The following CHFR variants were observed in gnomAD, a reference collection of about 807,000 sequenced individuals.
The protein encoded by CHFR is checkpoint with forkhead and ring finger domains.
A neutral mutation model predicts 87.6 loss-of-function variants in CHFR; 57 were observed. That is an observed-to-expected ratio of 0.65 (90% CI 0.53 to 0.81). The LOEUF is 0.81. Ranked by LOEUF, CHFR falls within the 30% of genes least tolerant of loss-of-function variation. The probability of loss-of-function intolerance (pLI) is 0.00; values close to 1 mark genes in which losing one functional copy is unlikely to be tolerated. For missense variants in CHFR, 797 were observed against 865.8 expected, an observed-to-expected ratio of 0.92 and a Z score of 1.00; for synonymous variants, 381 against 359.2, an observed-to-expected ratio of 1.06 and a Z score of -0.69.
At chr12:132,876,182 A>G (rs55852696) in intron 3 of CHFR, among the ~76,000 whole-genome samples, 31,226 of 152,034 alleles carry the variant, frequency 0.21, 4,164 homozygotes, top group Non-Finnish European at 0.3. Flanking sequence ...TCAAAAAAAA[A>G]AAAGAAAGAA....
At chr12:132,845,368 A>C (rs1950795158) in intron 15 of CHFR, among the ~76,000 whole-genome samples, 1 of 152,048 alleles carries the variant, frequency 6.6e-6, no homozygotes, top group Non-Finnish European at 1.5e-5. Context: ...CTGAGGCAGG[A>C]CAATTGTTGA....
intron 12 of CHFR, among the ~76,000 whole-genome samples, chr12:132,850,550 C>T (rs1593457073): frequency 1.3e-5 from 2 of 152,186 alleles, no homozygotes; most frequent in South Asian, 4.1e-4. Context: ...AGGCAGCGAC[C>T]GCCCAGATCA....
At position 132,887,549 on chromosome 12, in the gene CHFR, C is replaced by A; in HGVS notation, c.-15G>T. The A allele has an allele frequency of 6.1e-6, 1 of 163,844 alleles. No homozygotes were observed. The highest frequency in any genetic ancestry group is 1.8e-4 in the South Asian group (1 of 5,648). 10.1% of individuals were successfully genotyped at this position (163,844 alleles called of 1,614,324 possible). A position where few individuals can be genotyped will look rare whatever the true frequency, so the allele number is the denominator to read the frequency against. On this transcript the variant is annotated splice_region_variant and 5_prime_UTR_variant, in exon 1 of 18. Transcript: ENST00000450056. ...GCCCCCTCGCCAGCCGCGCTTACCC[C>A]CGCCCCGCGCCGAACCCGGAACCGG...
chr12:132,863,889 T>C (rs1222212920), intron 6 of CHFR, among the ~76,000 whole-genome samples: 1 of 152,056 alleles, frequency 6.6e-6, no homozygotes, highest in East Asian at 1.9e-4. Context: ...CTCCTGAGTA[T>C]CTGGGACTAC....
chr12:132,855,590 C>T (rs1951047967), intron 10 of CHFR, among the ~76,000 whole-genome samples: 1 of 152,110 alleles, frequency 6.6e-6, no homozygotes, highest in Non-Finnish European at 1.5e-5. Flanking sequence ...TCGCTTGAAC[C>T]CAGGAGGTGG....
chr12:132,856,907 C>T (rs1319548489), intron 9 of CHFR, among the ~76,000 whole-genome samples: 1 of 138,870 alleles, frequency 7.2e-6, no homozygotes, highest in Non-Finnish European at 1.5e-5. Flanking sequence ...GGTGGAGGGA[C>T]CGCCCTCACT....
intron 12 of CHFR, chr12:132,850,020 C>T (rs1950905459): frequency 6.6e-6 from 1 of 152,090 alleles, no homozygotes; most frequent in African/African-American, 2.4e-5. Flanking sequence ...CTGGCGCCAT[C>T]TCGGCTCACT....
At chr12:132,845,549 C>T (rs1950802408) in intron 15 of CHFR, among the ~76,000 whole-genome samples, 1 of 152,032 alleles carries the variant, frequency 6.6e-6, no homozygotes, top group South Asian at 2.1e-4. Context: ...ACTTGGGAGG[C>T]TGAGGTGAGA....
intron 2 of CHFR, among the ~76,000 whole-genome samples, chr12:132,884,244 C>T (rs565513389): frequency 5.8e-4 from 88 of 152,068 alleles, no homozygotes; most frequent in East Asian, 1.4e-3. Flanking sequence ...CATGGAGAAA[C>T]CCCGTCTCTA....
chr12:132,880,409 C>T (rs1951739792), intron 2 of CHFR, among the ~76,000 whole-genome samples: 1 of 152,154 alleles, frequency 6.6e-6, no homozygotes, highest in South Asian at 2.1e-4. Flanking sequence ...GTAATCCCAG[C>T]ACTTTGGGAG....
intron 5 of CHFR, 105 bp downstream of exon 5, chr12:132,870,619 C>T (rs1951467881): frequency 1.5e-5 from 11 of 733,330 alleles, no homozygotes; most frequent in Non-Finnish European, 2.6e-5. Context: ...GAGATCGCGC[C>T]ACCGCACTCC....
chr12:132,876,231 T>C (rs1183006227), intron 3 of CHFR, among the ~76,000 whole-genome samples: 2 of 152,112 alleles, frequency 1.3e-5, no homozygotes, highest in African/African-American at 2.4e-5. Flanking sequence ...TGTAGTGTGA[T>C]TGCATTTATG....
In CHFR at chr12:132,833,897, G is replaced by A. The variant is rs887787164; in HGVS notation, c.*7657C>T. 33 of 152,456 alleles carry A rather than the reference G, an allele frequency of 2.2e-4. No individual in the cohort carries two copies. Among genetic ancestry groups the A allele is most frequent in the African/African-American group, 7.7e-4 (32 of 41,568 alleles). The allele number at this position is 152,456 out of a possible 1,614,324, so 9.4% of individuals were successfully genotyped here. A position where few individuals can be genotyped will look rare whatever the true frequency, so the allele number is the denominator to read the frequency against. On this transcript the variant is annotated 3_prime_UTR_variant, in exon 18 of 18. Coordinates refer to ENST00000450056, the MANE Select transcript of CHFR (RefSeq NM_001161346.2). ...GTGTCCCAGGAGAGGGAAAGGCAAG[G>A]AGAACGAGTACTCAAAGGCACCTTT... is the stretch of plus-strand genomic sequence containing the variant.
chr12:132,852,510 GA>G (rs1950970384), intron 11 of CHFR, among the ~76,000 whole-genome samples: 2 of 146,802 alleles, frequency 1.4e-5, no homozygotes, highest in Admixed American at 7.0e-5. Context: ...ACCCACACAG[GA>G]AAGACCCTGC....
At chr12:132,877,157 A>T (rs1180252809) in intron 3 of CHFR, among the ~76,000 whole-genome samples, 1 of 152,142 alleles carries the variant, frequency 6.6e-6, no homozygotes. Flanking sequence ...TTAAAATATC[A>T]TATTTTTACT....
intron 3 of CHFR, among the ~76,000 whole-genome samples, chr12:132,875,311 G>A (rs1951605685): frequency 6.6e-6 from 1 of 152,176 alleles, no homozygotes; most frequent in South Asian, 2.1e-4. Flanking sequence ...TCAACATACT[G>A]CTAGAAGACC....
At chr12:132,857,149 C>T (rs1184630883) in intron 9 of CHFR, among the ~76,000 whole-genome samples, 1 of 125,054 alleles carries the variant, frequency 8.0e-6, no homozygotes, top group Admixed American at 8.6e-5. Context: ...CCTCACGTGC[C>T]CGGGTGCTGC....
Position 132,837,260 on chromosome 12 carries a change from A to T in CHFR, c.*4294T>A, listed in dbSNP as rs1039002820. ...TAAACCACCCCAAATGCAGTGGCTT[A>T]AACAACTACTTATTTCTCATGATTA... On this transcript the variant is annotated 3_prime_UTR_variant, in exon 18 of 18. Transcript: ENST00000450056. 12 of 187,838 alleles carry T rather than the reference A, an allele frequency of 6.4e-5. No homozygotes were observed. Among genetic ancestry groups the T allele is most frequent in the African/African-American group, 2.6e-4 (11 of 41,868 alleles). 11.6% of individuals were successfully genotyped at this position (187,838 alleles called of 1,614,324 possible).
chr12:132,872,672 GCCT>G (rs1951518783), intron 3 of CHFR, among the ~76,000 whole-genome samples: 2 of 152,106 alleles, frequency 1.3e-5, no homozygotes, highest in Admixed American at 6.5e-5. Flanking sequence ...CTCCCCGTTT[GCCT>G]CCTAGTGGAC....
Sources: allele counts gnomAD v4.1 joint callset (sites outside exome capture counted in the v4.1 genomes callset), GRCh38; gene constraint gnomAD v4.1.1; transcripts MANE v1.5; gene names NCBI Gene and HGNC (gene_info 2026-07-23, HGNC 2026-07-21).